Variants in RYR1 observed in about 807,000 individuals in gnomAD.
The protein encoded by RYR1 is central core disease of muscle.
A neutral mutation model predicts 583.5 loss-of-function variants in RYR1; 342 were observed. The ratio of observed to expected loss-of-function variants is 0.59; its 90% CI spans 0.54 to 0.64. The LOEUF (loss-of-function observed/expected upper bound fraction) is 0.64, where lower values mean the gene tolerates loss of function less well. Ranked by LOEUF, RYR1 falls within the 30% of genes least tolerant of loss-of-function variation. The pLI, the probability that RYR1 is intolerant of heterozygous loss-of-function variation, is 0.00. For synonymous variants in RYR1, 2,791 were observed against 2,822.5 expected (o/e 0.99, Z 0.35); for missense variants, 6,032 against 6,917.2 (o/e 0.87, Z 4.54).
In RYR1 at chr19:38,547,925, C is replaced by G. The variant is rs141129320; in HGVS notation, c.12095-308C>G. ...ACGGGGTTTCACCATGTTGGCCAGG[C>G]TGGTCTCAAACTCCTGGCCTCAAGT... On this transcript the variant is annotated intron_variant, in intron 88 of 105. Coordinates refer to ENST00000359596, the MANE Select transcript of RYR1 (RefSeq NM_000540.3). Among the ~76,000 whole-genome samples, 1,163 of 152,214 alleles carry G rather than the reference C, an allele frequency of 7.6e-3. 29 individuals are homozygous for G. The highest frequency in any genetic ancestry group is 0.067 in the East Asian group (344 of 5,150).
intron 17 of RYR1, 119 bp from the exon 18 acceptor site, chr19:38,457,932 G>A: frequency 9.4e-7 from 1 of 1,068,684 alleles, no homozygotes; most frequent in Non-Finnish European, 1.4e-6. Flanking sequence ...CTTTCTCCCT[G>A]TCTCTCTCCC....
rs373834273 is a variant in RYR1, at chr19:38,494,948, G to A, written c.6548+323G>A. Among the ~76,000 whole-genome samples the A allele has an allele frequency of 1.1e-4, 17 of 150,564 alleles. 1 individual carries two copies. In the South Asian group the frequency reaches 2.1e-3, roughly 19 times the overall value. ...GCTCACTGCAACCTCCGCCTCCCAG[G>A]TTCAAGCAATTCTCCTGTCTCAGCC... is the stretch of plus-strand genomic sequence containing the variant. On this transcript the variant is annotated intron_variant, in intron 39 of 105. Coordinates refer to ENST00000359596, the MANE Select transcript of RYR1 (RefSeq NM_000540.3).
At chr19:38,564,859 G>C in intron 90 of RYR1, 100 bp from the exon 91 acceptor site, 1 of 1,521,338 alleles carries the variant, frequency 6.6e-7, no homozygotes, top group Non-Finnish European at 8.8e-7. Flanking sequence ...ATTTAGAACA[G>C]CGCCTGCCGC....
Position 38,502,580 on chromosome 19 carries a change from C to T in RYR1, c.7688C>T (p.Thr2563Ile). Residue 2563 changes from threonine (T) to isoleucine (I), a missense_variant, in exon 48 of 106, where the codon ACC becomes ATC. Around this residue, in one of 11 missense-constraint regions of RYR1, gnomAD observed 250 missense variants for 162.3 expected, o/e 1.54. Coordinates refer to ENST00000359596, the MANE Select transcript of RYR1 (RefSeq NM_000540.3). ...YLCLAVLPLITKCAPLFAGTE... is the reference protein window; with the variant it reads ...YLCLAVLPLIIKCAPLFAGTE... ...TGCCTGGCCGTGCTGCCGCTCATCA[C>T]CAAGTGTGCGCCGCTCTTTGCGGGC... 8.1e-6 allele frequency: 13 copies of T among 1,612,538 alleles called. No homozygotes were observed. The highest frequency in any genetic ancestry group is 9.3e-6 in the Non-Finnish European group (11 of 1,179,906).
chr19:38,492,454 A>T (rs747243736), intron 37 of RYR1, 36 bp from the exon 38 acceptor site: 1 of 1,613,186 alleles, frequency 6.2e-7, no homozygotes, highest in Non-Finnish European at 8.5e-7. Context: ...AAGCAAACTA[A>T]TGAATGACAT....
chr19:38,535,750 C>T, intron 81 of RYR1: 2 of 606,386 alleles, frequency 3.3e-6, no homozygotes, highest in South Asian at 2.0e-5. Context: ...TTTTTCCTAC[C>T]CTCTGCAGCT....
intron 48 of RYR1, 63 bp downstream of exon 48, chr19:38,502,790 GGC>G: frequency 7.2e-6 from 8 of 1,110,186 alleles, no homozygotes; most frequent in South Asian, 6.9e-5. Context: ...CAGGGGCAGG[GGC>G]AGGGGCAGGG....
intron 99 of RYR1, 149 bp from the exon 100 acceptor site, chr19:38,579,833 C>A (rs1974118444): frequency 1.0e-6 from 1 of 972,626 alleles, no homozygotes; most frequent in Non-Finnish European, 1.6e-6. Context: ...GCCTTCTCAC[C>A]CGGAATGCCC....
At chr19:38,452,279 A>C (rs1967116945) in intron 12 of RYR1, among the ~76,000 whole-genome samples, 1 of 152,044 alleles carries the variant, frequency 6.6e-6, no homozygotes, top group African/African-American at 2.4e-5. Flanking sequence ...TCTATAAAAA[A>C]AATAACAAAA....
At chr19:38,535,890 T>C (rs1406457288) in intron 81 of RYR1, 107 bp from the exon 82 acceptor site, 1 of 954,306 alleles carries the variant, frequency 1.0e-6, no homozygotes, top group Non-Finnish European at 1.7e-6. Flanking sequence ...GCATAGATGG[T>C]TTACTGTGGC....
At chr19:38,541,221 A>T (rs936020850) in intron 84 of RYR1, among the ~76,000 whole-genome samples, 4 of 152,214 alleles carry the variant, frequency 2.6e-5, no homozygotes, top group Admixed American at 2.6e-4. Context: ...TGGGGTTTTT[A>T]AAAGCCTCCT....
chr19:38,496,949 G>A lies in RYR1; in HGVS notation c.6886G>A (p.Glu2296Lys). ...CTTGGCATTGCAGGAGCAGGACCTG[G>A]AAAAGGTGTGGAGGGCAGGGCTGGG... is the stretch of plus-strand genomic sequence containing the variant. The part of the protein sequence containing the change: ...LALALQEQDL[E>K]KVVSYLAGCG... The change falls in exon 42 of 106, where the codon GAA becomes AAA. Residue 2296 changes from glutamate to lysine, a missense_variant. Physicochemically the swap from Glu to Lys is moderately conservative, Grantham distance 56 (BLOSUM62 1). Transcript: ENST00000359596. This position sits in a 1 kb window ranked among gnomAD's most constrained non-coding sequence, Gnocchi z 4.8. 1 of 1,613,410 alleles carries A rather than the reference G, an allele frequency of 6.2e-7. No homozygotes were observed.
intron 101 of RYR1, among the ~76,000 whole-genome samples, chr19:38,582,935 A>G (rs544209149): frequency 6.6e-6 from 1 of 152,090 alleles, no homozygotes; most frequent in Non-Finnish European, 1.5e-5. Flanking sequence ...CCTCGTTCTC[A>G]TTATAGTCAC....
chr19:38,503,804 G>T (rs992236691), intron 49 of RYR1, among the ~76,000 whole-genome samples: 1 of 151,956 alleles, frequency 6.6e-6, no homozygotes, highest in Non-Finnish European at 1.5e-5. Context: ...ATTTTGGATA[G>T]TGGAGGCCCT....
chr19:38,515,074 C>T lies in RYR1; in HGVS notation c.9521C>T (p.Ser3174Phe), dbSNP rs1600880972. ...TACCGAACGCTGTGCAGTATCTACT[C>T]CCTGGGAACCACCAAGAACACTTAT... is the stretch of plus-strand genomic sequence containing the variant. ...SCYRTLCSIY[S>F]LGTTKNTYVE... The change falls in exon 64 of 106, where the codon TCC (serine) becomes TTC (phenylalanine). Residue 3174 changes from serine (S) to phenylalanine (F), a missense_variant. Around this residue, in one of 11 missense-constraint regions of RYR1, gnomAD observed 1,493 missense variants for 1,715.5 expected, o/e 0.87. Transcript: ENST00000359596. 4.3e-6 allele frequency: 7 copies of T among 1,613,530 alleles called. No individual in the cohort carries two copies. Among genetic ancestry groups the T allele is most frequent in the Non-Finnish European group, 5.9e-6 (7 of 1,179,844 alleles).
At chr19:38,516,953 T>C (rs955787838) in intron 65 of RYR1, among the ~76,000 whole-genome samples, 1 of 152,114 alleles carries the variant, frequency 6.6e-6, no homozygotes, top group African/African-American at 2.4e-5. Flanking sequence ...AGTGAGCAAG[T>C]GACAGGTTGT....
rs372672006 is a variant in RYR1 at position 38,528,946 on chromosome 19, A to T, written c.11035-5A>T. Reference sequence around the variant, plus strand: ...CCTCTCCCCAAGTCTCCCCTCTCCCACCAGAAAGCTGGGGAGCAGGAGGAG... The same window carrying T: ...CCTCTCCCCAAGTCTCCCCTCTCCCTCCAGAAAGCTGGGGAGCAGGAGGAG... On this transcript the variant is annotated splice_region_variant and splice_polypyrimidine_tract_variant and intron_variant, in intron 75 of 105. Transcript: ENST00000359596. The T allele has an allele frequency of 6.2e-7, 1 of 1,605,982 alleles. No individual in the cohort carries two copies. Among genetic ancestry groups the T allele is most frequent in the Non-Finnish European group, 8.5e-7 (1 of 1,176,172 alleles).
chr19:38,561,526 C>A lies in RYR1; in HGVS notation c.12624+72C>A. On this transcript the variant is annotated intron_variant, in intron 90 of 105. Transcript: ENST00000359596. The surrounding 1 kb of genome is among the most constrained non-coding windows in gnomAD (Gnocchi z 4.8). ...CATGCGGGTGCTCACTTCCTGCACC[C>A]TCAGACCCCACGGGGGCTGTGCGTG... 1 of 1,445,192 alleles carries A rather than the reference C, an allele frequency of 6.9e-7. No individual in the cohort carries two copies. Among genetic ancestry groups the A allele is most frequent in the South Asian group, 1.3e-5 (1 of 79,718 alleles). 89.5% of individuals were successfully genotyped at this position (1,445,192 alleles called of 1,614,324 possible). A position where few individuals can be genotyped will look rare whatever the true frequency, so the allele number is the denominator to read the frequency against.
chr19:38,458,431 C>A, intron 18 of RYR1, 139 bp downstream of exon 18: 1 of 833,826 alleles, frequency 1.2e-6, no homozygotes, highest in East Asian at 2.4e-5. Flanking sequence ...CCTCATTTCC[C>A]AAGACCCTAA....
Sources: gnomAD v4.1 joint callset for allele counts (sites outside exome capture counted in the v4.1 genomes callset) on GRCh38, gnomAD v4.1.1 for gene constraint, gnomAD v4.1.1 regional missense constraint, Gnocchi (gnomAD v3.1) non-coding constraint, MANE v1.5 for transcripts, NCBI Gene and HGNC (gene_info 2026-07-23, HGNC 2026-07-21) for gene names.